RASGRP3: variants seen among roughly 807,000 people sequenced by gnomAD.
The protein encoded by RASGRP3 is RAS guanyl releasing protein 3.
In RASGRP3, 54 loss-of-function variants were observed where a neutral mutation model predicts 82.7. The ratio of observed to expected loss-of-function variants is 0.65; its 90% CI spans 0.52 to 0.82. RASGRP3 has a LOEUF of 0.82. RASGRP3 is among the 40% of genes least tolerant of loss of function. The pLI, the probability that RASGRP3 is intolerant of heterozygous loss-of-function variation, is 0.00. For missense variants in RASGRP3, 861 were observed against 828.9 expected (o/e 1.04, Z -0.48); for synonymous variants, 309 against 300.5 (o/e 1.03, Z -0.29).
At chr2:33,518,917 G>C (rs540007748) in intron 4 of RASGRP3, among the ~76,000 whole-genome samples, 2 of 152,156 alleles carry the variant, frequency 1.3e-5, no homozygotes, top group African/African-American at 4.8e-5. Context: ...TTCTGGAATA[G>C]GTCCTGAAGA....
At chr2:33,454,565 A>T (rs1665947663) in intron 2 of RASGRP3, among the ~76,000 whole-genome samples, 2 of 152,368 alleles carry the variant, frequency 1.3e-5, no homozygotes, top group South Asian at 2.1e-4. Context: ...CACACACATT[A>T]TCTACCTTTG....
chr2:33,456,278 C>T (rs1666030506), intron 2 of RASGRP3, among the ~76,000 whole-genome samples: 1 of 150,332 alleles, frequency 6.7e-6, no homozygotes, highest in Admixed American at 6.6e-5. Context: ...ATAGTCTTTA[C>T]ATTTTAATGG....
intron 13 of RASGRP3, among the ~76,000 whole-genome samples, chr2:33,544,120 C>G (rs1674519789): frequency 6.6e-6 from 1 of 152,114 alleles, no homozygotes; most frequent in African/African-American, 2.4e-5. Context: ...TAAAGACCAG[C>G]CTGGCCAACA....
intron 15 of RASGRP3, 76 bp from the exon 16 acceptor site, chr2:33,558,135 C>A: frequency 1.9e-6 from 3 of 1,549,220 alleles, no homozygotes; most frequent in South Asian, 2.4e-5. Flanking sequence ...GGAGGGCTGA[C>A]AAATCAAGTG....
intron 17 of RASGRP3, chr2:33,559,566 TGCAAA>T (rs1676414416): frequency 5.8e-6 from 3 of 516,878 alleles, no homozygotes. Context: ...AGCAAAATCA[TGCAAA>T]GCAAAGTAGG....
intron 2 of RASGRP3, chr2:33,448,072 GAAC>G (rs541438897): frequency 2.2e-4 from 33 of 152,258 alleles, no homozygotes; most frequent in Admixed American, 1.7e-3. Flanking sequence ...ATTATGAAGT[GAAC>G]AACATTTTTG....
At chr2:33,494,891 A>G (rs1481575165) in intron 1 of RASGRP3, among the ~76,000 whole-genome samples, 1 of 152,248 alleles carries the variant, frequency 6.6e-6, no homozygotes, top group Non-Finnish European at 1.5e-5. Flanking sequence ...ACAAGTGGAA[A>G]TAAATACTAA....
intron 2 of RASGRP3, among the ~76,000 whole-genome samples, chr2:33,467,517 A>G (rs1196972089): frequency 6.6e-6 from 1 of 152,222 alleles, no homozygotes; most frequent in East Asian, 1.9e-4. Flanking sequence ...CACAAGATAG[A>G]ATTTACTGAG....
intron 17 of RASGRP3, among the ~76,000 whole-genome samples, chr2:33,561,375 A>G (rs745383923): frequency 6.6e-6 from 1 of 152,134 alleles, no homozygotes; most frequent in Non-Finnish European, 1.5e-5. Flanking sequence ...CTGTGTTTTT[A>G]TCTCTTAAAG....
upstream of RASGRP3, among the ~76,000 whole-genome samples, chr2:33,472,870 C>CAAAAAAAAAAAA (rs57159320): frequency 1.5e-5 from 1 of 68,094 alleles, no homozygotes; most frequent in African/African-American, 5.3e-5. Flanking sequence ...GACTCCGTCT[C>CAAAAAAAAAAAA]AAAAAAAAAA....
chr2:33,539,313 C>A, intron 12 of RASGRP3, 103 bp downstream of exon 12: 1 of 938,706 alleles, frequency 1.1e-6, no homozygotes, highest in Non-Finnish European at 1.6e-6. Flanking sequence ...CTGAAAACAA[C>A]CCTCTGGCAG....
At chr2:33,460,936 G>A (rs764705154) in intron 2 of RASGRP3, among the ~76,000 whole-genome samples, 17 of 152,312 alleles carry the variant, frequency 1.1e-4, no homozygotes, top group Admixed American at 2.0e-4. Context: ...AAGTCTAAAA[G>A]GATTTACAGG....
chr2:33,528,289 G>T (rs545830538), intron 10 of RASGRP3, among the ~76,000 whole-genome samples: 1 of 152,296 alleles, frequency 6.6e-6, no homozygotes, highest in South Asian at 2.1e-4. Flanking sequence ...CTGTATTTAG[G>T]AATGATGTGG....
At chr2:33,562,261 C>G (rs905826066) in intron 17 of RASGRP3, among the ~76,000 whole-genome samples, 50 of 125,182 alleles carry the variant, frequency 4.0e-4, no homozygotes, top group Admixed American at 1.4e-3. Context: ...TACATGATCT[C>G]TCTCTCTTTT....
intron 12 of RASGRP3, among the ~76,000 whole-genome samples, chr2:33,542,103 C>T (rs1674334114): frequency 6.8e-6 from 1 of 146,344 alleles, no homozygotes; most frequent in Non-Finnish European, 1.5e-5. Flanking sequence ...GAGATCCTGT[C>T]TCTAAAAAGA....
intron 17 of RASGRP3, among the ~76,000 whole-genome samples, chr2:33,560,145 A>G (rs542470396): frequency 1.3e-5 from 2 of 152,304 alleles, no homozygotes; most frequent in Admixed American, 6.5e-5. Flanking sequence ...TATACTCACA[A>G]AGTTGTGCAA....
rs1669895161 is a variant in RASGRP3, at chr2:33,501,751, C to G, written c.-260-9959C>G. On this transcript the variant is annotated intron_variant, in intron 1 of 17. Coordinates refer to ENST00000403687, the MANE Select transcript of RASGRP3 (RefSeq NM_001139488.2). ...GAGTTCAGCATGGAGACATGAGAAC[C>G]GTTGGCAGTTTAGAGGCCAGCAGTA... Among the ~76,000 whole-genome samples, 3 of 152,180 alleles carry G rather than the reference C, an allele frequency of 2.0e-5. No homozygotes were observed. In the South Asian group the frequency reaches 6.2e-4, roughly 32 times the overall value.
intron 1 of RASGRP3, among the ~76,000 whole-genome samples, chr2:33,503,444 T>C (rs1448966547): frequency 6.6e-6 from 1 of 152,322 alleles, no homozygotes; most frequent in South Asian, 2.1e-4. Flanking sequence ...TTGAGATTTG[T>C]TTTTCTTTTA....
At chr2:33,505,010 G>A (rs1670225657) in intron 1 of RASGRP3, among the ~76,000 whole-genome samples, 1 of 152,118 alleles carries the variant, frequency 6.6e-6, no homozygotes. Flanking sequence ...CCACATTTTA[G>A]TTATTGCTGG....
Sources: gnomAD v4.1 joint callset for allele counts (sites outside exome capture counted in the v4.1 genomes callset) on GRCh38, gnomAD v4.1.1 for gene constraint, MANE v1.5 for transcripts, NCBI Gene and HGNC (gene_info 2026-07-23, HGNC 2026-07-21) for gene names.